The following GRM7 variants were observed in gnomAD, a reference collection of about 807,000 sequenced individuals.
GRM7 encodes glutamate metabotropic receptor 7.
A neutral mutation model predicts 84.5 loss-of-function variants in GRM7; 35 were observed. That is an observed-to-expected ratio of 0.41 (90% CI 0.32 to 0.55). The LOEUF (loss-of-function observed/expected upper bound fraction) is 0.55. GRM7 is among the 20% of genes least tolerant of loss of function. GRM7 has a pLI of 0.19. For missense variants in GRM7, 1,003 were observed against 1,194.6 expected (o/e 0.84, Z 2.36); for synonymous variants, 487 against 455.1 (o/e 1.07, Z -0.89).
chr3:6,873,143 C>T (rs908967998), intron 1 of GRM7, among the ~76,000 whole-genome samples: 2 of 152,154 alleles, frequency 1.3e-5, no homozygotes, highest in African/African-American at 4.8e-5. Context: ...GCGATCTCGG[C>T]TCACTGCAAC....
intron 9 of GRM7, among the ~76,000 whole-genome samples, chr3:7,685,788 T>TAAA (rs199948429): frequency 5.7e-4 from 81 of 142,388 alleles, no homozygotes; most frequent in African/African-American, 2.1e-3. Context: ...GTATGTTATT[T>TAAA]AAAAAAAAAA....
chr3:7,120,313 G>A lies in GRM7; in HGVS notation c.520-26139G>A, dbSNP rs144455373. 5.0e-3 allele frequency among the ~76,000 whole-genome samples: 754 copies of A among 152,190 alleles called. 7 individuals are homozygous for A. The highest frequency in any genetic ancestry group is 0.017 in the African/African-American group (714 of 41,562). ...TCTGTCTCCCAAATCCACACTAGAT[G>A]TAATTGTGAAACTCTACCTTAATTT... On this transcript the variant is annotated intron_variant, in intron 1 of 9. Coordinates refer to ENST00000357716, the MANE Select transcript of GRM7 (RefSeq NM_000844.4).
In GRM7 at chr3:7,683,957, T is replaced by C. The variant is rs117921292; in HGVS notation, c.2698+3662T>C. 4.0e-3 allele frequency among the ~76,000 whole-genome samples: 615 copies of C among 152,244 alleles called. 14 individuals are homozygous for C. In the East Asian group the frequency reaches 0.091, roughly 22 times the overall value. Reference sequence around the variant, plus strand: ...AGTCAAAACTCAAAGAAATAAAACATTTGAGATGAGACAAACATACAAATA... The same window carrying C: ...AGTCAAAACTCAAAGAAATAAAACACTTGAGATGAGACAAACATACAAATA... On this transcript the variant is annotated intron_variant, in intron 9 of 9. Coordinates refer to ENST00000357716, the MANE Select transcript of GRM7 (RefSeq NM_000844.4).
intron 2 of GRM7, among the ~76,000 whole-genome samples, chr3:7,163,866 T>G (rs972061982): frequency 1.3e-5 from 2 of 152,200 alleles, no homozygotes; most frequent in African/African-American, 4.8e-5. Context: ...TTTAAAAAGT[T>G]TCTTGGATCC....
intron 1 of GRM7, among the ~76,000 whole-genome samples, chr3:7,000,927 A>G (rs1456395035): frequency 1.3e-5 from 2 of 152,222 alleles, no homozygotes; most frequent in Non-Finnish European, 2.9e-5. Context: ...CCTTCAAGGC[A>G]TACATCAATG....
intron 2 of GRM7, among the ~76,000 whole-genome samples, chr3:7,212,380 A>G (rs1012602122): frequency 7.2e-5 from 11 of 152,076 alleles, no homozygotes; most frequent in East Asian, 1.9e-4. Context: ...TCATTCATCC[A>G]TCAATTCATC....
At chr3:7,022,546 T>C (rs2124914284) in intron 1 of GRM7, among the ~76,000 whole-genome samples, 1 of 152,088 alleles carries the variant, frequency 6.6e-6, no homozygotes, top group Non-Finnish European at 1.5e-5. Context: ...AATATTTTCT[T>C]TTAAAATCAG....
In GRM7 at chr3:7,298,764, C is replaced by T; in HGVS notation, c.817C>T (p.Gln273Ter). The change falls in exon 3 of 10, where the codon CAG (glutamine) becomes TAG (stop). Residue 273 changes from glutamine to a stop codon, truncating the protein, a stop_gained. Transcript: ENST00000357716. LOFTEE classifies it high-confidence loss of function. ...CATTGACTTTGATAGAATTATCAAA[C>T]AGCTCCTGGACACCCCCAACTCCAG... is the stretch of plus-strand genomic sequence containing the variant. ...RTIDFDRIIK[Q>*]LLDTPNSRAV... 1 of 1,613,312 alleles carries T rather than the reference C, an allele frequency of 6.2e-7. No individual in the cohort carries two copies. Among genetic ancestry groups the T allele is most frequent in the East Asian group, 2.2e-5 (1 of 44,860 alleles).
intron 7 of GRM7, among the ~76,000 whole-genome samples, chr3:7,465,613 T>C (rs1464776501): frequency 6.6e-6 from 1 of 152,054 alleles, no homozygotes; most frequent in Admixed American, 6.5e-5. Flanking sequence ...GGGCAAACGG[T>C]TTTGTAGGTT....
chr3:6,959,378 C>T (rs967233561), intron 1 of GRM7, among the ~76,000 whole-genome samples: 1 of 151,674 alleles, frequency 6.6e-6, no homozygotes, highest in Non-Finnish European at 1.5e-5. Flanking sequence ...TTTTTTCCTT[C>T]AAATTTGGAA....
chr3:7,465,524 T>G (rs1698427461), intron 7 of GRM7, among the ~76,000 whole-genome samples: 1 of 152,156 alleles, frequency 6.6e-6, no homozygotes, highest in African/African-American at 2.4e-5. Flanking sequence ...CAATGATTGG[T>G]TTCTCTCCAA....
chr3:7,706,005 G>A (rs1269917314), intron 9 of GRM7, among the ~76,000 whole-genome samples: 1 of 152,152 alleles, frequency 6.6e-6, no homozygotes, highest in South Asian at 2.1e-4. Flanking sequence ...TGGTGGTAGA[G>A]CAGGAAAGAA....
rs530123103 is a variant in GRM7 at position 7,020,122 on chromosome 3, C to T, written c.520-126330C>T. Among the ~76,000 whole-genome samples, 109 of 152,284 alleles carry T rather than the reference C, an allele frequency of 7.2e-4. 1 individual carries two copies. Among genetic ancestry groups the T allele is most frequent in the African/African-American group, 2.3e-3 (97 of 41,566 alleles). On this transcript the variant is annotated intron_variant, in intron 1 of 9. Coordinates refer to ENST00000357716, the MANE Select transcript of GRM7 (RefSeq NM_000844.4). ...TCAGCATCCCAAAGTGCTGGGATTACAGGCATGAGCCACTGCACCCTGCCA... is the reference window on the plus strand; with the variant it reads ...TCAGCATCCCAAAGTGCTGGGATTATAGGCATGAGCCACTGCACCCTGCCA...
Position 6,861,301 on chromosome 3 carries a change from AG to A in GRM7, c.-86del. ...TGCAGGAGCCCCTGGGCTTTCCCGGAGGAGCTCGCCCTGAAGGGCCCGGACC... is the reference window on the plus strand; with the variant it reads ...TGCAGGAGCCCCTGGGCTTTCCCGGAGAGCTCGCCCTGAAGGGCCCGGACC... On this transcript the variant is annotated 5_prime_UTR_variant, in exon 1 of 10. Coordinates refer to ENST00000357716, the MANE Select transcript of GRM7 (RefSeq NM_000844.4). The surrounding 1 kb of genome is among the most constrained non-coding windows in gnomAD (Gnocchi z 6.4). 2.5e-6 allele frequency: 3 copies of A among 1,200,784 alleles called. No homozygotes were observed. The highest frequency in any genetic ancestry group is 3.3e-6 in the Non-Finnish European group (3 of 915,744). 74.4% of individuals were successfully genotyped at this position (1,200,784 alleles called of 1,614,324 possible). A position where few individuals can be genotyped will look rare whatever the true frequency, so the allele number is the denominator to read the frequency against.
intron 1 of GRM7, among the ~76,000 whole-genome samples, chr3:6,937,236 CT>C (rs1481183266): frequency 6.6e-6 from 1 of 152,130 alleles, no homozygotes; most frequent in African/African-American, 2.4e-5. Context: ...AAATGTTTTC[CT>C]TGTGTTTTAC....
chr3:6,937,911 T>C (rs900988004), intron 1 of GRM7, among the ~76,000 whole-genome samples: 2 of 152,232 alleles, frequency 1.3e-5, no homozygotes, highest in Admixed American at 6.5e-5. Context: ...CTCTTGTCTA[T>C]GATTTATTTA....
intron 4 of GRM7, among the ~76,000 whole-genome samples, chr3:7,352,872 C>T (rs1243670458): frequency 2.0e-5 from 3 of 152,028 alleles, no homozygotes; most frequent in African/African-American, 7.2e-5. Flanking sequence ...ATGTCCCTGT[C>T]CTAACTTACA....
intron 7 of GRM7, among the ~76,000 whole-genome samples, chr3:7,518,745 A>T (rs537822815): frequency 6.6e-6 from 1 of 152,324 alleles, no homozygotes; most frequent in Admixed American, 6.5e-5. Flanking sequence ...GAAATTAGTA[A>T]GAAGGTTAGC....
At chr3:7,404,518 T>C (rs780922181) in intron 4 of GRM7, among the ~76,000 whole-genome samples, 1 of 152,312 alleles carries the variant, frequency 6.6e-6, no homozygotes, top group Non-Finnish European at 1.5e-5. Flanking sequence ...GAAATTCTGG[T>C]GGATGACTGA....
Sources: gnomAD v4.1 joint callset for allele counts (sites outside exome capture counted in the v4.1 genomes callset) on GRCh38, gnomAD v4.1.1 for gene constraint, Gnocchi (gnomAD v3.1) non-coding constraint, MANE v1.5 for transcripts, NCBI Gene and HGNC (gene_info 2026-07-23, HGNC 2026-07-21) for gene names.